Variants in HDLBP observed in about 807,000 individuals in gnomAD.
HDLBP encodes the protein vigilin.
HDLBP carries 30 observed loss-of-function variants against 137.3 expected under a neutral mutation model. That is an observed-to-expected ratio of 0.22 (90% CI 0.16 to 0.30). HDLBP has a LOEUF of 0.30. HDLBP is among the 10% of genes least tolerant of loss of function. The pLI is 1.00. For missense variants in HDLBP, 1,119 were observed against 1,667.3 expected (o/e 0.67, Z 5.73); for synonymous variants, 606 against 596.0 (o/e 1.02, Z -0.24).
chr2:241,279,802 A>G (rs551324312), intron 1 of HDLBP: 13 of 576,830 alleles, frequency 2.3e-5, no homozygotes, highest in African/African-American at 2.2e-4. Flanking sequence ...GCAAAAGGAA[A>G]TATGTACAAG....
In HDLBP at chr2:241,233,709, C is replaced by T; in HGVS notation, c.3288+111G>A. On this transcript the variant is annotated intron_variant, in intron 24 of 27. Coordinates refer to ENST00000310931, the MANE Select transcript of HDLBP (RefSeq NM_005336.6). This position sits in a 1 kb window ranked among gnomAD's most constrained non-coding sequence, Gnocchi z 4.3. ...ATTAGGTCCTGAGAGACTTGCCACT[C>T]TCAACTTGGCCCTCGAACCCCCATC... 4 of 1,214,836 alleles carry T rather than the reference C, an allele frequency of 3.3e-6. No individual in the cohort carries two copies. Among genetic ancestry groups the T allele is most frequent in the Non-Finnish European group, 4.7e-6 (4 of 850,312 alleles). 75.3% of individuals were successfully genotyped at this position (1,214,836 alleles called of 1,614,324 possible).
At chr2:241,275,791 G>C (rs554375068) in intron 1 of HDLBP, among the ~76,000 whole-genome samples, 1 of 152,096 alleles carries the variant, frequency 6.6e-6, no homozygotes, top group African/African-American at 2.4e-5. Flanking sequence ...AAATTATGGC[G>C]AAAGAAATAA....
At position 241,228,677 on chromosome 2, in the gene HDLBP, C is replaced by T. The variant is rs1158097607; in HGVS notation, c.*924G>A. On this transcript the variant is annotated 3_prime_UTR_variant, in exon 28 of 28. Coordinates refer to ENST00000310931, the MANE Select transcript of HDLBP (RefSeq NM_005336.6). The stretch of plus-strand genomic sequence containing the variant: ...TGGCACTAACTGCACAGAGACCACT[C>T]CACGCCGGCTGAGGTAGAAAGAAGG... 2.0e-5 allele frequency: 3 copies of T among 152,740 alleles called. No individual in the cohort carries two copies. Among genetic ancestry groups the T allele is most frequent in the African/African-American group, 7.2e-5 (3 of 41,428 alleles). 9.5% of individuals were successfully genotyped at this position (152,740 alleles called of 1,614,324 possible).
At chr2:241,281,584 T>C (rs192247036) in intron 1 of HDLBP, among the ~76,000 whole-genome samples, 3 of 152,262 alleles carry the variant, frequency 2.0e-5, no homozygotes, top group Admixed American at 2.0e-4. Flanking sequence ...TGGATTTTCA[T>C]AGAAATAGAC....
chr2:241,284,582 T>C (rs1403479466), intron 1 of HDLBP, among the ~76,000 whole-genome samples: 1 of 152,210 alleles, frequency 6.6e-6, no homozygotes, highest in African/African-American at 2.4e-5. Context: ...TAAACTTAGC[T>C]GATAAAGCAA....
chr2:241,253,522 A>C (rs1175050799), intron 9 of HDLBP, 25 bp from the exon 10 acceptor site: 2 of 1,517,068 alleles, frequency 1.3e-6, no homozygotes, highest in Admixed American at 3.3e-5. Context: ...CCAAAGAGAT[A>C]GCTAAAACAG....
intron 1 of HDLBP, among the ~76,000 whole-genome samples, chr2:241,270,405 T>C (rs1447492468): frequency 1.3e-5 from 2 of 152,214 alleles, no homozygotes; most frequent in African/African-American, 4.8e-5. Context: ...TAACGAATGG[T>C]TCACAACTAG....
chr2:241,287,745 T>C lies in HDLBP; in HGVS notation c.-102-19204A>G, dbSNP rs117536581. Among the ~76,000 whole-genome samples the C allele has an allele frequency of 4.3e-3, 658 of 152,314 alleles. 27 individuals carry two copies. The East Asian group carries it at 0.063, about 15-fold the overall frequency. On this transcript the variant is annotated intron_variant, in intron 1 of 27. Coordinates refer to ENST00000310931, the MANE Select transcript of HDLBP (RefSeq NM_005336.6). ...CCTGCAGCTATGTGTTACGTTGATA[T>C]GTAACCAGTCGTGTTAAAAGATATA...
Position 241,238,868 on chromosome 2 carries a change from A to T in HDLBP, c.2611-81T>A. 1 of 1,180,664 alleles carries T rather than the reference A, an allele frequency of 8.5e-7. No individual in the cohort carries two copies. The highest frequency in any genetic ancestry group is 1.2e-6 in the Non-Finnish European group (1 of 858,624). The allele number at this position is 1,180,664 out of a possible 1,614,324, so 73.1% of individuals were successfully genotyped here. A position where few individuals can be genotyped will look rare whatever the true frequency, so the allele number is the denominator to read the frequency against. On this transcript the variant is annotated intron_variant, in intron 19 of 27. Coordinates refer to ENST00000310931, the MANE Select transcript of HDLBP (RefSeq NM_005336.6). This position sits in a 1 kb window ranked among gnomAD's most constrained non-coding sequence, Gnocchi z 4.9. ...CAAGTTTTACAGCACTCTTCACACCACCTTCCTCCCTGTCCTCTACAGCCA... is the reference window on the plus strand; with the variant it reads ...CAAGTTTTACAGCACTCTTCACACCTCCTTCCTCCCTGTCCTCTACAGCCA...
intron 2 of HDLBP, chr2:241,267,978 G>A: frequency 3.1e-6 from 3 of 981,148 alleles, no homozygotes; most frequent in Non-Finnish European, 3.6e-6. Flanking sequence ...AGGAATGTTA[G>A]CTTCCTCTCC....
intron 17 of HDLBP, among the ~76,000 whole-genome samples, chr2:241,241,424 G>A (rs2071203996): frequency 6.6e-6 from 1 of 151,904 alleles, no homozygotes; most frequent in East Asian, 1.9e-4. Context: ...AAAATTAGCT[G>A]GGTGAGGTGT....
intron 3 of HDLBP, among the ~76,000 whole-genome samples, chr2:241,265,650 T>C (rs2073604857): frequency 6.6e-6 from 1 of 152,192 alleles, no homozygotes; most frequent in Admixed American, 6.5e-5. Flanking sequence ...GTCTTGGCAA[T>C]AGCAAGGCCC....
chr2:241,304,447 C>CT (rs1168691568), intron 1 of HDLBP, among the ~76,000 whole-genome samples: 2 of 152,228 alleles, frequency 1.3e-5, no homozygotes, highest in Non-Finnish European at 2.9e-5. Flanking sequence ...AGAGTCTAGA[C>CT]TAGAAGCCAA....
In HDLBP at chr2:241,255,630, G is replaced by A. The variant is rs186943299; in HGVS notation, c.874-50C>T. On this transcript the variant is annotated intron_variant, in intron 7 of 27. Transcript: ENST00000310931. ...AGTCAAAGGGAAAGGTGTGGGAAGC[G>A]GGCAGGTGGGCATGGCCACTGCTGC... 260 of 1,447,624 alleles carry A rather than the reference G, an allele frequency of 1.8e-4. No homozygotes were observed. The Admixed American group carries it at 4.2e-3, about 23-fold the overall frequency. The allele number at this position is 1,447,624 out of a possible 1,614,324, so 89.7% of individuals were successfully genotyped here.
chr2:241,272,622 G>C lies in HDLBP; in HGVS notation c.-102-4081C>G. 1.0e-6 allele frequency: 1 copy of C among 979,674 alleles called. No individual in the cohort carries two copies. The highest frequency in any genetic ancestry group is 1.2e-6 in the Non-Finnish European group (1 of 826,074). The allele number at this position is 979,674 out of a possible 1,614,324, so 60.7% of individuals were successfully genotyped here. A position where few individuals can be genotyped will look rare whatever the true frequency, so the allele number is the denominator to read the frequency against. On this transcript the variant is annotated intron_variant, in intron 1 of 27. Transcript: ENST00000310931. This position sits in a 1 kb window ranked among gnomAD's most constrained non-coding sequence, Gnocchi z 5.6. ...GGGCGGGGGCCGCAGCCTGGGGCCC[G>C]GGTGGGGGCCGCGGCACCCGGGCCC...
intron 21 of HDLBP, chr2:241,236,278 CG>C (rs971736654): frequency 1.2e-5 from 4 of 331,472 alleles, no homozygotes; most frequent in African/African-American, 4.2e-5. Flanking sequence ...CCCACTCACG[CG>C]GGGGGAGACG....
At chr2:241,293,840 T>C (rs2075086291) in intron 1 of HDLBP, among the ~76,000 whole-genome samples, 1 of 148,624 alleles carries the variant, frequency 6.7e-6, no homozygotes, top group African/African-American at 2.5e-5. Context: ...GAAGATCGCC[T>C]GAGCCCAGGA....
chr2:241,260,362 G>A (rs1559515986), intron 5 of HDLBP, among the ~76,000 whole-genome samples: 1 of 152,166 alleles, frequency 6.6e-6, no homozygotes. Flanking sequence ...AAAACTGAAA[G>A]GAGGGGACCC....
chr2:241,303,706 G>C (rs974279283), intron 1 of HDLBP, among the ~76,000 whole-genome samples: 1 of 152,190 alleles, frequency 6.6e-6, no homozygotes, highest in African/African-American at 2.4e-5. Context: ...CTTCAGACTG[G>C]ATTATTTCTA....
Sources: gnomAD v4.1 joint callset for allele counts (sites outside exome capture counted in the v4.1 genomes callset) on GRCh38, gnomAD v4.1.1 for gene constraint, Gnocchi (gnomAD v3.1) non-coding constraint, MANE v1.5 for transcripts, NCBI Gene and HGNC (gene_info 2026-07-23, HGNC 2026-07-21) for gene names.